BBS7: variants seen among roughly 807,000 people sequenced by gnomAD.
The protein encoded by BBS7 is BBSome complex member BBS7.
Under a neutral mutation model 90.3 loss-of-function variants are expected in BBS7, and 50 were observed. The ratio of observed to expected loss-of-function variants is 0.55; its 90% CI spans 0.44 to 0.70. The LOEUF (loss-of-function observed/expected upper bound fraction) is 0.70. Among genes scored for constraint, BBS7 ranks in the 30% least tolerant of loss-of-function variants. BBS7 has a pLI of 0.00. For synonymous variants in BBS7, 235 were observed against 287.4 expected, an observed-to-expected ratio of 0.82 and a Z score of 1.85; for missense variants, 729 against 838.9, an observed-to-expected ratio of 0.87 and a Z score of 1.62.
chr4:121,868,211 A>G (rs755057016), intron 1 of BBS7, among the ~76,000 whole-genome samples, 165 bp from the exon 2 acceptor site: 4 of 152,244 alleles, frequency 2.6e-5, no homozygotes, highest in Admixed American at 6.5e-5. Context: ...GAATACATAT[A>G]GGAAACAACC....
chr4:121,848,675 C>T (rs753453541), intron 9 of BBS7, among the ~76,000 whole-genome samples, 169 bp downstream of exon 9: 3 of 152,140 alleles, frequency 2.0e-5, no homozygotes, highest in Non-Finnish European at 4.4e-5. Context: ...TAGAGTTCAG[C>T]ACTATTTGAG....
intron 18 of BBS7, chr4:121,827,917 C>G: frequency 7.7e-7 from 1 of 1,300,910 alleles, no homozygotes; most frequent in Non-Finnish European, 9.8e-7. Context: ...ATACTTATTT[C>G]TTAATATACT....
intron 8 of BBS7, among the ~76,000 whole-genome samples, chr4:121,850,109 AT>A (rs984669761): frequency 3.3e-5 from 5 of 149,916 alleles, no homozygotes; most frequent in African/African-American, 7.4e-5. Context: ...AGGAATCTGT[AT>A]TTTTTTTTAT....
chr4:121,869,525 T>C (rs1249487266), intron 1 of BBS7, among the ~76,000 whole-genome samples: 2 of 152,186 alleles, frequency 1.3e-5, no homozygotes, highest in Non-Finnish European at 2.9e-5. Context: ...TAGATGCACA[T>C]TAAACTGTTG....
chr4:121,861,583 A>C lies in BBS7; in HGVS notation c.262T>G (p.Ser88Ala), dbSNP rs1489244436. 7 of 1,613,912 alleles carry C rather than the reference A, an allele frequency of 4.3e-6. No homozygotes were observed. The South Asian group carries it at 7.7e-5, about 18-fold the overall frequency. ...CTTTTTGTGAAGCCTCTAATCTCAG[A>C]TGCTGCAGCAATAAAAATTTTCTCC... The part of the protein sequence containing the change: ...PQEKIFIAAA[S>A]EIRGFTKRGK... The change falls in exon 4 of 19, where the codon TCT becomes GCT. Residue 88 changes from serine (S) to alanine (A), a missense_variant. Transcript: ENST00000264499.
In BBS7 at chr4:121,863,276, C is replaced by T; in HGVS notation, c.106G>A (p.Val36Ile). The T allele has an allele frequency of 6.2e-7, 1 of 1,612,514 alleles. No individual in the cohort carries two copies. Among genetic ancestry groups the T allele is most frequent in the Non-Finnish European group, 8.5e-7 (1 of 1,178,714 alleles). Reference protein sequence around the residue: ...ASRHRATQKVVIGDHDGVVMC... With the variant: ...ASRHRATQKVIIGDHDGVVMC... Reference sequence around the variant, plus strand: ...ACTACCCCATCATGATCTCCAATAACCACCTGTAATAGATGGAAGATAATC... The same window carrying T: ...ACTACCCCATCATGATCTCCAATAATCACCTGTAATAGATGGAAGATAATC... Residue 36 changes from valine to isoleucine, a missense_variant, in exon 3 of 19, where the codon GTT becomes ATT. By Grantham distance (29) the Val-to-Ile change is conservative. Transcript: ENST00000264499.
chr4:121,836,788 G>A (rs1229694408), intron 13 of BBS7, among the ~76,000 whole-genome samples: 2 of 152,090 alleles, frequency 1.3e-5, no homozygotes, highest in East Asian at 3.8e-4. Flanking sequence ...GACTGACAGT[G>A]TCATTTTCTT....
Position 121,868,033 on chromosome 4 carries a change from G to A in BBS7, c.50C>T (p.Ser17Phe). The change falls in exon 2 of 19, where the codon TCT (serine) becomes TTT (phenylalanine). Residue 17 changes from serine (S) to phenylalanine (F), a missense_variant. Transcript: ENST00000264499. ...AGGAATTAGCTTCATAGTCTTCTGAGATGTTACTCCCACCTAAAGAAAAAC... is the reference window on the plus strand; with the variant it reads ...AGGAATTAGCTTCATAGTCTTCTGAAATGTTACTCCCACCTAAAGAAAAAC... ...RMDYLQVGVTSQKTMKLIPAS... is the reference protein window; with the variant it reads ...RMDYLQVGVTFQKTMKLIPAS... The A allele has an allele frequency of 6.2e-7, 1 of 1,613,388 alleles. No homozygotes were observed. Among genetic ancestry groups the A allele is most frequent in the Non-Finnish European group, 8.5e-7 (1 of 1,179,500 alleles).
chr4:121,852,089 A>C (rs969898952), intron 8 of BBS7, among the ~76,000 whole-genome samples: 9 of 152,242 alleles, frequency 5.9e-5, no homozygotes, highest in Admixed American at 5.9e-4. Context: ...TTACACCAAA[A>C]CAAGATGAAC....
chr4:121,837,625 T>G (rs1454919901), intron 13 of BBS7, among the ~76,000 whole-genome samples: 2 of 152,196 alleles, frequency 1.3e-5, no homozygotes, highest in Non-Finnish European at 2.9e-5. Flanking sequence ...ATTATTCTGT[T>G]GCATGGCCTA....
At chr4:121,839,186 A>C (rs1191817419) in intron 13 of BBS7, among the ~76,000 whole-genome samples, 1 of 152,190 alleles carries the variant, frequency 6.6e-6, no homozygotes, top group Non-Finnish European at 1.5e-5. Flanking sequence ...TGATTAATAC[A>C]TGGGGATTAA....
Position 121,844,104 on chromosome 4 carries a change from A to G in BBS7, c.1231-103T>C, listed in dbSNP as rs1725879044. ...TTCTCCTTAGTTCTAGTTTATATTC[A>G]TCTTTAAATTTGAGAGTATGAATTC... On this transcript the variant is annotated intron_variant, in intron 11 of 18. Transcript: ENST00000264499. 5 of 717,640 alleles carry G rather than the reference A, an allele frequency of 7.0e-6. 1 individual carries two copies. The highest frequency in any genetic ancestry group is 7.1e-6 in the Non-Finnish European group (3 of 420,550). 44.5% of individuals were successfully genotyped at this position (717,640 alleles called of 1,614,324 possible). A position where few individuals can be genotyped will look rare whatever the true frequency, so the allele number is the denominator to read the frequency against.
intron 10 of BBS7, among the ~76,000 whole-genome samples, chr4:121,846,294 C>G (rs1726008968): frequency 6.6e-6 from 1 of 152,048 alleles, no homozygotes; most frequent in Non-Finnish European, 1.5e-5. Context: ...AGGGGAAGGG[C>G]CACATGCAAA....
rs1725281597 is a variant in BBS7 at position 121,833,249 on chromosome 4, T to G, written c.1658A>C (p.Gln553Pro). The G allele has an allele frequency of 6.2e-7, 1 of 1,613,934 alleles. No homozygotes were observed. The highest frequency in any genetic ancestry group is 8.5e-7 in the Non-Finnish European group (1 of 1,179,868). ...GATTTACCTGTAGGTACTTTCAAGTTGTGTATCTAGAAAGGTGTTCTGAAA... is the reference window on the plus strand; with the variant it reads ...GATTTACCTGTAGGTACTTTCAAGTGGTGTATCTAGAAAGGTGTTCTGAAA... ...FYFQNTFLDT[Q>P]LESTYRKGEG... The change falls in exon 15 of 19, where the codon CAA (glutamine) becomes CCA (proline). Residue 553 changes from glutamine to proline, a missense_variant. Gln to Pro is a moderately conservative substitution (Grantham distance 76, BLOSUM62 -1). Coordinates refer to ENST00000264499, the MANE Select transcript of BBS7 (RefSeq NM_176824.3).
chr4:121,861,687 A>C lies in BBS7; in HGVS notation c.166-8T>G. ...TAAAGTCTTGAACACTGCCTGAAAA[A>C]AATCATTCAGGAAAAAAGTACACAA... On this transcript the variant is annotated splice_region_variant and splice_polypyrimidine_tract_variant and intron_variant, in intron 3 of 18. Transcript: ENST00000264499. 3 of 1,613,578 alleles carry C rather than the reference A, an allele frequency of 1.9e-6. No individual in the cohort carries two copies. Among genetic ancestry groups the C allele is most frequent in the Middle Eastern group, 1.7e-4 (1 of 6,060 alleles).
In BBS7 at chr4:121,828,192, T is replaced by G; in HGVS notation, c.1968A>C (p.Leu656=). ...YHCILEEADH[L]QEEYKKQPAH... is the part of the protein sequence containing the mutation. ...CAGGTTGCTTTTTGTATTCTTCCTG[T>G]AGGTGATCTGCCTCTTCTAGAATAC... The change falls in exon 18 of 19, where the codon CTA becomes CTC. Residue 656 remains leucine, a synonymous_variant. Transcript: ENST00000264499. 6.2e-7 allele frequency: 1 copy of G among 1,613,718 alleles called. No individual in the cohort carries two copies. Among genetic ancestry groups the G allele is most frequent in the South Asian group, 1.1e-5 (1 of 91,074 alleles).
intron 2 of BBS7, among the ~76,000 whole-genome samples, chr4:121,864,471 A>T (rs1000054516): frequency 1.3e-5 from 2 of 152,212 alleles, no homozygotes; most frequent in African/African-American, 4.8e-5. Context: ...ACATAATGAC[A>T]CTATACTCAC....
chr4:121,841,128 C>T (rs147092922), intron 12 of BBS7, among the ~76,000 whole-genome samples: 24 of 152,206 alleles, frequency 1.6e-4, no homozygotes, highest in East Asian at 3.9e-4. Flanking sequence ...GTATGAGCCA[C>T]GGTGCCAAGC....
chr4:121,861,439 C>A (rs747661305), intron 4 of BBS7, 65 bp downstream of exon 4: 1 of 1,440,536 alleles, frequency 6.9e-7, no homozygotes, highest in Non-Finnish European at 9.6e-7. Context: ...TACTTAGTTG[C>A]CTCACATCTA....
Sources: gnomAD v4.1 joint callset for allele counts (sites outside exome capture counted in the v4.1 genomes callset) on GRCh38, gnomAD v4.1.1 for gene constraint, MANE v1.5 for transcripts, NCBI Gene and HGNC (gene_info 2026-07-23, HGNC 2026-07-21) for gene names.